Variants in ADSS2 observed in about 807,000 individuals in gnomAD.
ADSS2 encodes the protein adenylosuccinate synthase 2, also known as adenylosuccinate synthetase isozyme 2.
A neutral mutation model predicts 60.0 loss-of-function variants in ADSS2; 30 were observed. The ratio of observed to expected loss-of-function variants is 0.50; its 90% CI spans 0.37 to 0.68. The LOEUF (loss-of-function observed/expected upper bound fraction) is 0.68, where lower values mean the gene tolerates loss of function less well. Ranked by LOEUF, ADSS2 falls within the 30% of genes least tolerant of loss-of-function variation. The pLI is 0.00. For missense variants in ADSS2, 373 were observed against 554.8 expected, an observed-to-expected ratio of 0.67 and a Z score of 3.29; for synonymous variants, 187 against 193.1, an observed-to-expected ratio of 0.97 and a Z score of 0.26.
At position 244,409,316 on chromosome 1, in the gene ADSS2, T is replaced by C. The variant is rs2147982270; in HGVS notation, c.*270A>G. On this transcript the variant is annotated 3_prime_UTR_variant, in exon 13 of 13. Coordinates refer to ENST00000366535, the MANE Select transcript of ADSS2 (RefSeq NM_001126.5). ...TGATATCAAACAACATGGATTATAC[T>C]ATTACTAAACATTGAAAAAAAAAAC... The C allele has an allele frequency of 3.1e-6, 1 of 322,358 alleles. No individual in the cohort carries two copies. Among genetic ancestry groups the C allele is most frequent in the South Asian group, 7.3e-5 (1 of 13,780 alleles). The allele number at this position is 322,358 out of a possible 1,614,324, so 20.0% of individuals were successfully genotyped here. A position where few individuals can be genotyped will look rare whatever the true frequency, so the allele number is the denominator to read the frequency against.
rs982365833 is a variant in ADSS2, at chr1:244,421,773, G to A, written c.663+1062C>T. Among the ~76,000 whole-genome samples the A allele has an allele frequency of 4.2e-4, 64 of 152,038 alleles. 1 individual carries two copies. Among genetic ancestry groups the A allele is most frequent in the African/African-American group, 8.9e-4 (37 of 41,412 alleles). On this transcript the variant is annotated intron_variant, in intron 7 of 12. Coordinates refer to ENST00000366535, the MANE Select transcript of ADSS2 (RefSeq NM_001126.5). ...GCAGGCAGACTGCTTTAGCTCAGGC[G>A]TTCAAGACCAGCCTGGGCAACATGG...
In ADSS2 at chr1:244,417,525, T is replaced by C; in HGVS notation, c.1070+103A>G. The C allele has an allele frequency of 2.2e-6, 3 of 1,389,904 alleles. No homozygotes were observed. The East Asian group carries it at 7.1e-5, about 33-fold the overall frequency. The allele number at this position is 1,389,904 out of a possible 1,614,324, so 86.1% of individuals were successfully genotyped here. A position where few individuals can be genotyped will look rare whatever the true frequency, so the allele number is the denominator to read the frequency against. On this transcript the variant is annotated intron_variant, in intron 10 of 12. Transcript: ENST00000366535. ...CTGGCACTACAATTTCAATATGGAG[T>C]CTAAAGAGTGAAATTTTCCTATTAA...
intron 1 of ADSS2, among the ~76,000 whole-genome samples, chr1:244,444,356 A>T (rs974389799): frequency 6.7e-6 from 1 of 149,910 alleles, no homozygotes; most frequent in African/African-American, 2.5e-5. Context: ...TCTACTAAAA[A>T]TACAAAAAAT....
intron 1 of ADSS2, among the ~76,000 whole-genome samples, chr1:244,439,497 C>T (rs1438224156): frequency 6.6e-6 from 1 of 152,150 alleles, no homozygotes; most frequent in Non-Finnish European, 1.5e-5. Flanking sequence ...CGCCCAGTGC[C>T]CTGCCCCTAC....
At chr1:244,416,362 G>A (rs1195260353) in intron 10 of ADSS2, among the ~76,000 whole-genome samples, 1 of 152,172 alleles carries the variant, frequency 6.6e-6, no homozygotes, top group African/African-American at 2.4e-5. Context: ...TTGTCACCCA[G>A]GCTGGAGTGT....
At chr1:244,412,196 T>C (rs1664432162) in intron 11 of ADSS2, among the ~76,000 whole-genome samples, 1 of 152,210 alleles carries the variant, frequency 6.6e-6, no homozygotes, top group South Asian at 2.1e-4. Context: ...GCTCCAGAGC[T>C]CCCTATGGGA....
At chr1:244,421,975 AAAAAT>A (rs961845073) in intron 7 of ADSS2, among the ~76,000 whole-genome samples, 14 of 152,360 alleles carry the variant, frequency 9.2e-5, no homozygotes, top group South Asian at 4.1e-4. Flanking sequence ...CCCTGTCTCA[AAAAAT>A]AAAATAAAAT....
At chr1:244,417,105 A>C (rs1408519738) in intron 10 of ADSS2, among the ~76,000 whole-genome samples, 2 of 152,192 alleles carry the variant, frequency 1.3e-5, no homozygotes, top group Non-Finnish European at 2.9e-5. Context: ...AGTGTGCTAT[A>C]GGCTCTCACT....
chr1:244,409,513 G>A lies in ADSS2; in HGVS notation c.*73C>T. ...AGTGTCTTTATTCTTGAATTTGCAGGTCATAAATGAAATATTTAAGAAAGT... is the reference window on the plus strand; with the variant it reads ...AGTGTCTTTATTCTTGAATTTGCAGATCATAAATGAAATATTTAAGAAAGT... On this transcript the variant is annotated 3_prime_UTR_variant, in exon 13 of 13. Transcript: ENST00000366535. 8.4e-7 allele frequency: 1 copy of A among 1,190,014 alleles called. No homozygotes were observed. Among genetic ancestry groups the A allele is most frequent in the Admixed American group, 1.9e-5 (1 of 53,422 alleles). 73.7% of individuals were successfully genotyped at this position (1,190,014 alleles called of 1,614,324 possible).
chr1:244,414,048 C>T (rs1398067600), intron 11 of ADSS2, among the ~76,000 whole-genome samples: 4 of 152,138 alleles, frequency 2.6e-5, no homozygotes, highest in African/African-American at 9.7e-5. Context: ...CACGTAACTA[C>T]ACACAAAGCA....
chr1:244,437,784 G>T lies in ADSS2; in HGVS notation c.184-16C>A, dbSNP rs772650576. 3.9e-6 allele frequency: 6 copies of T among 1,533,506 alleles called. No individual in the cohort carries two copies. The African/African-American group carries it at 5.5e-5, about 14-fold the overall frequency. The allele number at this position is 1,533,506 out of a possible 1,614,324, so 95.0% of individuals were successfully genotyped here. ...TATTTCCTCCCTAAAATGTAAGATA[G>T]GGGAAAATTGAGCCTGATGATAAAT... On this transcript the variant is annotated splice_polypyrimidine_tract_variant and intron_variant, in intron 1 of 12. Transcript: ENST00000366535.
rs1188270814 is a variant in ADSS2, at chr1:244,451,318, TCA to T, written c.183+315_183+316del. On this transcript the variant is annotated intron_variant, in intron 1 of 12. Transcript: ENST00000366535. The surrounding 1 kb of genome is among the most constrained non-coding windows in gnomAD (Gnocchi z 6.6). The stretch of plus-strand genomic sequence containing the variant: ...ACCGCATCCCACCTCCACCCCGGCC[TCA>T]GTCCCGGCGCTGAGCACCACTCGCC... 6.6e-6 allele frequency among the ~76,000 whole-genome samples: 1 copy of T among 152,118 alleles called. No individual in the cohort carries two copies. The highest frequency in any genetic ancestry group is 2.4e-5 in the African/African-American group (1 of 41,404).
intron 1 of ADSS2, among the ~76,000 whole-genome samples, chr1:244,450,974 T>C (rs1392803759): frequency 1.3e-5 from 2 of 152,182 alleles, no homozygotes; most frequent in East Asian, 1.9e-4. Flanking sequence ...CTCCTTAACT[T>C]TCATGTATGG....
chr1:244,412,701 C>G (rs1664441618), intron 11 of ADSS2, among the ~76,000 whole-genome samples: 1 of 152,182 alleles, frequency 6.6e-6, no homozygotes, highest in African/African-American at 2.4e-5. Flanking sequence ...CCAGAAAAAG[C>G]TGAATTCTGC....
chr1:244,442,529 T>C (rs972446751), intron 1 of ADSS2, among the ~76,000 whole-genome samples: 2 of 152,216 alleles, frequency 1.3e-5, no homozygotes, highest in East Asian at 1.9e-4. Flanking sequence ...TTGTTAAATA[T>C]ACCCAGAAAC....
intron 3 of ADSS2, among the ~76,000 whole-genome samples, chr1:244,432,805 C>CTT (rs1664982133): frequency 2.0e-5 from 3 of 151,478 alleles, no homozygotes. Context: ...GTTGGGACTA[C>CTT]AGGCACCCGC....
At chr1:244,443,641 T>C (rs766600354) in intron 1 of ADSS2, among the ~76,000 whole-genome samples, 4 of 152,234 alleles carry the variant, frequency 2.6e-5, no homozygotes, top group Non-Finnish European at 5.9e-5. Flanking sequence ...CATTTTTGTG[T>C]AGCCTTTATA....
At chr1:244,411,508 G>A in intron 11 of ADSS2, 72 bp from the exon 12 acceptor site, 1 of 1,420,518 alleles carries the variant, frequency 7.0e-7, no homozygotes, top group Middle Eastern at 1.9e-4. Flanking sequence ...ATATATTGTA[G>A]GTTCAAAATG....
At chr1:244,449,740 A>G (rs1377553129) in intron 1 of ADSS2, among the ~76,000 whole-genome samples, 1 of 152,252 alleles carries the variant, frequency 6.6e-6, no homozygotes, top group African/African-American at 2.4e-5. Context: ...AGTCAAAAAT[A>G]CACAGGTGAG....
Sources: allele counts gnomAD v4.1 joint callset (sites outside exome capture counted in the v4.1 genomes callset), GRCh38; gene constraint gnomAD v4.1.1; non-coding constraint Gnocchi (gnomAD v3.1); transcripts MANE v1.5; gene names NCBI Gene and HGNC (gene_info 2026-07-23, HGNC 2026-07-21).